The following NLK variants were observed in gnomAD, a reference collection of about 807,000 sequenced individuals.
NLK encodes the protein serine/threonine-protein kinase NLK.
Under a neutral mutation model 59.0 loss-of-function variants are expected in NLK, and 11 were observed. The ratio of observed to expected loss-of-function variants is 0.19; its 90% CI spans 0.12 to 0.31. The LOEUF (loss-of-function observed/expected upper bound fraction) is 0.31, where lower values mean the gene tolerates loss of function less well. Ranked by LOEUF, NLK falls within the 10% of genes least tolerant of loss-of-function variation. The probability of loss-of-function intolerance (pLI) is 1.00; values close to 1 mark genes in which losing one functional copy is unlikely to be tolerated. For missense variants in NLK, 410 were observed against 661.1 expected (o/e 0.62, Z 4.16); for synonymous variants, 235 against 235.9 (o/e 1.00, Z 0.03).
chr17:28,154,857 A>T (rs1485860784), intron 3 of NLK, among the ~76,000 whole-genome samples: 1 of 152,112 alleles, frequency 6.6e-6, no homozygotes, highest in Non-Finnish European at 1.5e-5. Context: ...AACATGGCGA[A>T]ACCCCATCTA....
chr17:28,203,160 TACATACACAC>T, the NLK span, among the ~76,000 whole-genome samples: 748 of 127,142 alleles, frequency 5.9e-3, 11 homozygotes, highest in African/African-American at 0.024. Context: ...TGTATATACA[TACATACACAC>T]ACACACACAC....
chr17:28,190,825 C>A, intron 8 of NLK, 196 bp from the exon 9 acceptor site: 1 of 481,488 alleles, frequency 2.1e-6, no homozygotes, highest in Non-Finnish European at 3.7e-6. Flanking sequence ...TAGATAATAA[C>A]AGTAGTTGTC....
chr17:28,128,460 A>G (rs1018812861), intron 2 of NLK, among the ~76,000 whole-genome samples: 1 of 152,198 alleles, frequency 6.6e-6, no homozygotes, highest in East Asian at 1.9e-4. Context: ...ACTGAGTTAT[A>G]TATCTAAATA....
At chr17:28,192,634 C>T (rs1473864695) in intron 10 of NLK, among the ~76,000 whole-genome samples, 1 of 152,022 alleles carries the variant, frequency 6.6e-6, no homozygotes, top group Admixed American at 6.5e-5. Flanking sequence ...CACCATTGCA[C>T]TCCAGCCTAG....
At chr17:28,053,441 C>A (rs1209986197) in intron 1 of NLK, among the ~76,000 whole-genome samples, 1 of 152,128 alleles carries the variant, frequency 6.6e-6, no homozygotes, top group Non-Finnish European at 1.5e-5. Context: ...CTGATCGTTG[C>A]CATGTTTGCT....
chr17:28,167,413 T>TA (rs1484351371), intron 5 of NLK, among the ~76,000 whole-genome samples: 3 of 151,348 alleles, frequency 2.0e-5, no homozygotes, highest in African/African-American at 7.3e-5. Context: ...TTTTTTTTTT[T>TA]AATTGTTTGT....
chr17:28,066,431 A>C (rs1296365701), intron 1 of NLK, among the ~76,000 whole-genome samples: 4 of 152,222 alleles, frequency 2.6e-5, no homozygotes, highest in Admixed American at 6.5e-5. Flanking sequence ...GGCACATTTC[A>C]GTCCTTACGA....
At chr17:28,129,765 A>G (rs1408267578) in intron 2 of NLK, among the ~76,000 whole-genome samples, 2 of 152,124 alleles carry the variant, frequency 1.3e-5, no homozygotes, top group African/African-American at 4.8e-5. Context: ...TGTTGATTCT[A>G]TGAATTAACA....
At chr17:28,141,975 A>G (rs758279282) in intron 3 of NLK, among the ~76,000 whole-genome samples, 1 of 152,196 alleles carries the variant, frequency 6.6e-6, no homozygotes, top group Non-Finnish European at 1.5e-5. Context: ...TGACGGTGGA[A>G]GATTAATCAC....
At chr17:28,204,693 A>G in the NLK span, among the ~76,000 whole-genome samples, 1 of 152,252 alleles carries the variant, frequency 6.6e-6, no homozygotes, top group East Asian at 1.9e-4. Flanking sequence ...CAATAAACAT[A>G]CAAATAAATC....
At chr17:28,201,152 C>T (rs980443068), downstream of NLK, among the ~76,000 whole-genome samples, 1 of 152,182 alleles carries the variant, frequency 6.6e-6, no homozygotes, top group Non-Finnish European at 1.5e-5. Context: ...GTGATCTTGG[C>T]TCACATCAGC....
At chr17:28,069,212 A>G (rs560084968) in intron 1 of NLK, among the ~76,000 whole-genome samples, 4 of 152,290 alleles carry the variant, frequency 2.6e-5, no homozygotes, top group South Asian at 2.1e-4. Flanking sequence ...TTCACTCTAC[A>G]TAATGTTTTT....
chr17:28,120,936 A>G (rs549253664), intron 1 of NLK, among the ~76,000 whole-genome samples: 1 of 152,350 alleles, frequency 6.6e-6, no homozygotes, highest in South Asian at 2.1e-4. Flanking sequence ...GAGTAATTGA[A>G]TATCCATACT....
chr17:28,073,519 A>C (rs35570753), intron 1 of NLK, among the ~76,000 whole-genome samples: 2 of 152,150 alleles, frequency 1.3e-5, no homozygotes, highest in African/African-American at 2.4e-5. Flanking sequence ...AAGGTTAACC[A>C]TGTATTTTAT....
At chr17:28,120,235 G>GGTGT (rs10542547) in intron 1 of NLK, among the ~76,000 whole-genome samples, 7,703 of 139,088 alleles carry the variant, frequency 0.055, 280 homozygotes, top group Non-Finnish European at 0.079. Context: ...TTTGGCTTGG[G>GGTGT]GTGTGTGTGT....
In NLK at chr17:28,155,139, C is replaced by T. The variant is rs1208450855; in HGVS notation, c.645-6021C>T. Among the ~76,000 whole-genome samples, 4 of 152,196 alleles carry T rather than the reference C, an allele frequency of 2.6e-5. 1 individual carries two copies. In the East Asian group the frequency reaches 7.7e-4, roughly 29 times the overall value. ...GCCACACGTTAGAACACTATGCAGT[C>T]ATTAAAATTCTGCATTATTAAACCA... On this transcript the variant is annotated intron_variant, in intron 3 of 10. Transcript: ENST00000407008.
chr17:28,196,939 A>G (rs112468519), downstream of NLK, among the ~76,000 whole-genome samples: 414 of 152,272 alleles, frequency 2.7e-3, 4 homozygotes, highest in African/African-American at 9.2e-3. Flanking sequence ...ACTTCTCCCT[A>G]TCTTTTTTAT....
chr17:28,186,826 C>A (rs1909137263), intron 8 of NLK, among the ~76,000 whole-genome samples: 1 of 152,154 alleles, frequency 6.6e-6, no homozygotes, highest in Non-Finnish European at 1.5e-5. Context: ...CCAAACCATA[C>A]CATGTGGTAT....
chr17:28,047,403 G>C (rs943102346), intron 1 of NLK, among the ~76,000 whole-genome samples: 2 of 152,018 alleles, frequency 1.3e-5, no homozygotes, highest in Non-Finnish European at 2.9e-5. Context: ...TAAAGCCAAG[G>C]GGAAAATACT....
Sources: gnomAD v4.1 joint callset for allele counts (sites outside exome capture counted in the v4.1 genomes callset) on GRCh38, gnomAD v4.1.1 for gene constraint, MANE v1.5 for transcripts, NCBI Gene and HGNC (gene_info 2026-07-23, HGNC 2026-07-21) for gene names.